The following RDX variants were observed in gnomAD, a reference collection of about 807,000 sequenced individuals.
RDX encodes the protein deafness, autosomal recessive 24.
Under a neutral mutation model 83.7 loss-of-function variants are expected in RDX, and 32 were observed. The ratio of observed to expected loss-of-function variants is 0.38; its 90% CI spans 0.29 to 0.51. The LOEUF (loss-of-function observed/expected upper bound fraction) is 0.51. RDX is among the 20% of genes least tolerant of loss of function. The pLI is 0.87. For synonymous variants in RDX, 229 were observed against 222.7 expected (o/e 1.03, Z -0.25); for missense variants, 600 against 689.9 (o/e 0.87, Z 1.46).
At chr11:110,225,310 C>G (rs1290522569), downstream of RDX, among the ~76,000 whole-genome samples, 1 of 152,040 alleles carries the variant, frequency 6.6e-6, no homozygotes, top group Non-Finnish European at 1.5e-5. Context: ...AAAGGCAATT[C>G]ACAATGGGAA....
intron 8 of RDX, 80 bp from the exon 9 acceptor site, chr11:110,254,189 G>A (rs1294136419): frequency 2.5e-6 from 3 of 1,199,730 alleles, no homozygotes; most frequent in Non-Finnish European, 3.6e-6. Context: ...ATTTTAACAT[G>A]AGGTATGAAT....
chr11:110,232,804 A>G (rs2134300378), intron 13 of RDX, among the ~76,000 whole-genome samples: 1 of 152,212 alleles, frequency 6.6e-6, no homozygotes, highest in South Asian at 2.1e-4. Flanking sequence ...TGGTAGAGGC[A>G]GAGTTTCACC....
intron 9 of RDX, among the ~76,000 whole-genome samples, chr11:110,250,068 A>G (rs147109555): frequency 6.6e-6 from 1 of 152,290 alleles, no homozygotes; most frequent in Non-Finnish European, 1.5e-5. Context: ...ATTTCAATTT[A>G]TAAAGCATAT....
At chr11:110,239,331 T>G (rs1386383444) in intron 10 of RDX, among the ~76,000 whole-genome samples, 1 of 151,688 alleles carries the variant, frequency 6.6e-6, no homozygotes, top group Non-Finnish European at 1.5e-5. Context: ...CAAAGAGAGA[T>G]AATGGGTGTT....
intron 11 of RDX, 111 bp downstream of exon 11, chr11:110,237,381 T>C: frequency 1.0e-6 from 1 of 972,298 alleles, no homozygotes; most frequent in Non-Finnish European, 1.5e-6. Flanking sequence ...CATGTTATCT[T>C]TGGCTTGCTC....
chr11:110,289,968 A>AAAC (rs1861158371), intron 1 of RDX, among the ~76,000 whole-genome samples: 1 of 147,250 alleles, frequency 6.8e-6, no homozygotes, highest in African/African-American at 2.5e-5. Flanking sequence ...AAAAAAAAAA[A>AAAC]AAAAAAAAAA....
In RDX at chr11:110,233,367, T is replaced by C; in HGVS notation, c.1457A>G (p.His486Arg). ...PPVIPPTENEHDEHDENNAEA... is the reference protein window; with the variant it reads ...PPVIPPTENERDEHDENNAEA... ...AGCATTATTCTCATCGTGTTCATCA[T>C]GTTCGTTTTCTGTTGGAGGAATGAC... Residue 486 changes from histidine to arginine, a missense_variant, in exon 13 of 14, where the codon CAT becomes CGT. Transcript: ENST00000645495. 1 of 1,614,192 alleles carries C rather than the reference T, an allele frequency of 6.2e-7. No individual in the cohort carries two copies. Among genetic ancestry groups the C allele is most frequent in the Non-Finnish European group, 8.5e-7 (1 of 1,180,036 alleles).
rs982791503 is a variant in RDX, at chr11:110,230,196, A to G, written c.*1673T>C. ...CATGAAAATGTTTAATAAAATGGCA[A>G]TTTTAATAGATAAATGTAAATTTGA... On this transcript the variant is annotated 3_prime_UTR_variant, in exon 14 of 14. Transcript: ENST00000645495. 6.6e-6 allele frequency: 1 copy of G among 152,194 alleles called. No individual in the cohort carries two copies. 9.4% of individuals were successfully genotyped at this position (152,194 alleles called of 1,614,324 possible).
intron 1 of RDX, among the ~76,000 whole-genome samples, chr11:110,282,028 T>C (rs907233390): frequency 1.3e-5 from 2 of 149,370 alleles, no homozygotes; most frequent in South Asian, 2.1e-4. Context: ...GAAGTGCAGG[T>C]TGAAGTGAGC....
intron 3 of RDX, among the ~76,000 whole-genome samples, chr11:110,269,246 G>A (rs1034379882): frequency 6.6e-6 from 1 of 152,092 alleles, no homozygotes; most frequent in East Asian, 1.9e-4. Flanking sequence ...CCAAAGTGCT[G>A]GGATTACAGG....
Position 110,188,332 on chromosome 11 carries a change from T to TAACAAC in RDX, c.*31+11248_*31+11249insGTTGTT, listed in dbSNP as rs769387505. Among the ~76,000 whole-genome samples, 1,295 of 148,820 alleles carry TAACAAC rather than the reference T, an allele frequency of 8.7e-3. 27 individuals are homozygous for TAACAAC. Among genetic ancestry groups the TAACAAC allele is most frequent in the African/African-American group, 0.03 (1,232 of 40,490 alleles). ...ATAATAATAATAATAATAATAATAA[T>TAACAAC]AATAACAATAATAATGGCATTCGCA... On this transcript the variant is annotated intron_variant, in intron 15 of 15. Transcript: ENST00000528498.
intron 1 of RDX, among the ~76,000 whole-genome samples, chr11:110,295,348 T>C (rs1341780878): frequency 6.8e-6 from 1 of 146,316 alleles, no homozygotes; most frequent in African/African-American, 2.5e-5. Context: ...CCTTAAACAA[T>C]AGATTACAAT....
At position 110,246,300 on chromosome 11, in the gene RDX, T is replaced by C. The variant is rs564684961; in HGVS notation, c.1090+1403A>G. 2.6e-5 allele frequency among the ~76,000 whole-genome samples: 4 copies of C among 152,224 alleles called. No homozygotes were observed. In the South Asian group the frequency reaches 6.2e-4, roughly 24 times the overall value. On this transcript the variant is annotated intron_variant, in intron 10 of 13. Coordinates refer to ENST00000645495, the MANE Select transcript of RDX (RefSeq NM_002906.4). ...TATAGCAATCTTTGTGGCTTTCCCC[T>C]CTAGCTACTCTCCCTTACAATTATT...
intron 1 of RDX, among the ~76,000 whole-genome samples, chr11:110,288,152 T>A (rs547935384): frequency 1.3e-5 from 2 of 152,330 alleles, no homozygotes; most frequent in East Asian, 3.9e-4. Flanking sequence ...GGTTTAATGA[T>A]ATTTTCAAGG....
chr11:110,234,346 A>T (rs930046637), intron 12 of RDX, among the ~76,000 whole-genome samples: 3 of 152,226 alleles, frequency 2.0e-5, no homozygotes, highest in Admixed American at 6.5e-5. Context: ...AAAGAGACTT[A>T]CAGCAAATAC....
At chr11:110,287,663 G>A (rs940964247) in intron 1 of RDX, among the ~76,000 whole-genome samples, 13 of 152,064 alleles carry the variant, frequency 8.5e-5, no homozygotes, top group Admixed American at 3.3e-4. Context: ...AAGAAATAAG[G>A]CCAAAAGCAA....
chr11:110,275,894 C>A (rs2134412898), intron 2 of RDX, among the ~76,000 whole-genome samples: 1 of 150,498 alleles, frequency 6.6e-6, no homozygotes, highest in African/African-American at 2.4e-5. Context: ...AAGTGATTCT[C>A]CTGCCACAGC....
At chr11:110,241,809 T>G (rs1565310465) in intron 10 of RDX, among the ~76,000 whole-genome samples, 1 of 152,142 alleles carries the variant, frequency 6.6e-6, no homozygotes, top group South Asian at 2.1e-4. Flanking sequence ...CATCAACAGA[T>G]AAGCAAAATG....
intron 10 of RDX, 188 bp from the exon 11 acceptor site, chr11:110,237,840 A>C (rs768620558): frequency 1.4e-6 from 1 of 694,000 alleles, no homozygotes; most frequent in East Asian, 3.0e-5. Context: ...TGAAGTGCAG[A>C]AGCTCACTGC....
Sources: allele counts gnomAD v4.1 joint callset (sites outside exome capture counted in the v4.1 genomes callset), GRCh38; gene constraint gnomAD v4.1.1; transcripts MANE v1.5; gene names NCBI Gene and HGNC (gene_info 2026-07-23, HGNC 2026-07-21).